The following PTPN3 variants were observed in gnomAD, a reference collection of about 807,000 sequenced individuals.
The protein encoded by PTPN3 is tyrosine-protein phosphatase non-receptor type 3.
Under a neutral mutation model 132.7 loss-of-function variants are expected in PTPN3, and 96 were observed. The ratio of observed to expected loss-of-function variants is 0.72; its 90% confidence interval spans 0.61 to 0.86. PTPN3 has a LOEUF of 0.86. Among genes scored for constraint, PTPN3 ranks in the 40% least tolerant of loss-of-function variants. PTPN3 has a pLI of 0.00. For synonymous variants in PTPN3, 398 were observed against 429.0 expected, an observed-to-expected ratio of 0.93 and a Z score of 0.89; for missense variants, 1,125 against 1,159.6, an observed-to-expected ratio of 0.97 and a Z score of 0.43.
chr9:109,436,473 A>G (rs1250406419), intron 9 of PTPN3, among the ~76,000 whole-genome samples: 1 of 152,200 alleles, frequency 6.6e-6, no homozygotes, highest in Non-Finnish European at 1.5e-5. Context: ...ATATCACCAT[A>G]ATCTTTTTAA....
chr9:109,471,264 C>A (rs1169918700), intron 1 of PTPN3, among the ~76,000 whole-genome samples: 1 of 152,162 alleles, frequency 6.6e-6, no homozygotes. Context: ...ACCATGTTGG[C>A]CTAGGCTGGT....
chr9:109,533,839 A>G, the PTPN3 span: 1 of 846,320 alleles, frequency 1.2e-6, no homozygotes, highest in South Asian at 1.5e-5. Flanking sequence ...CACTCTCGCT[A>G]TTCTGGTAGT....
At chr9:109,402,825 C>T (rs1336051512) in intron 19 of PTPN3, among the ~76,000 whole-genome samples, 2 of 152,130 alleles carry the variant, frequency 1.3e-5, no homozygotes, top group East Asian at 1.9e-4. Context: ...AATCCTAGCA[C>T]TTTGGGGGGC....
intron 14 of PTPN3, among the ~76,000 whole-genome samples, chr9:109,416,526 G>A (rs1842513488): frequency 6.6e-6 from 1 of 150,982 alleles, no homozygotes; most frequent in Admixed American, 6.6e-5. Context: ...GCTCACTGCA[G>A]CCTCGACCTC....
chr9:109,438,426 A>G (rs866514517), intron 7 of PTPN3, among the ~76,000 whole-genome samples, 192 bp from the exon 8 acceptor site: 11 of 152,224 alleles, frequency 7.2e-5, no homozygotes, highest in Non-Finnish European at 1.3e-4. Flanking sequence ...ACTATAGGCT[A>G]AGATACTATC....
the PTPN3 span, among the ~76,000 whole-genome samples, chr9:109,524,020 A>G: frequency 4.6e-5 from 7 of 152,084 alleles, no homozygotes; most frequent in African/African-American, 1.7e-4. Context: ...CTGAGGTGGG[A>G]GGATTGCTAG....
intron 13 of PTPN3, among the ~76,000 whole-genome samples, chr9:109,422,069 C>A (rs113937918): frequency 1.3e-5 from 2 of 152,134 alleles, no homozygotes; most frequent in Non-Finnish European, 2.9e-5. Flanking sequence ...ATTTCATTTG[C>A]GGTAGTTTTT....
At chr9:109,460,955 T>C (rs544492170) in intron 2 of PTPN3, among the ~76,000 whole-genome samples, 1 of 152,338 alleles carries the variant, frequency 6.6e-6, no homozygotes, top group South Asian at 2.1e-4. Flanking sequence ...CAAACATTCA[T>C]GTTTTCGTCA....
At chr9:109,423,533 G>A (rs1199373829) in intron 12 of PTPN3, among the ~76,000 whole-genome samples, 1 of 152,106 alleles carries the variant, frequency 6.6e-6, no homozygotes, top group Admixed American at 6.5e-5. Flanking sequence ...CTGAATCCCC[G>A]AGACAGAGGT....
Position 109,428,613 on chromosome 9 carries a change from C to T in PTPN3, c.828+8G>A. 1 of 1,612,708 alleles carries T rather than the reference C, an allele frequency of 6.2e-7. No individual in the cohort carries two copies. Among genetic ancestry groups the T allele is most frequent in the Non-Finnish European group, 8.5e-7 (1 of 1,178,798 alleles). On this transcript the variant is annotated splice_region_variant and intron_variant, in intron 11 of 25. Coordinates refer to ENST00000374541, the MANE Select transcript of PTPN3 (RefSeq NM_002829.4). ...CGAAACAAAGCAAGCAAAGACATAA[C>T]TACTCACCTGTTTCTGTCGCTGATG...
chr9:109,427,965 C>T (rs561544089), intron 11 of PTPN3, among the ~76,000 whole-genome samples: 3 of 152,334 alleles, frequency 2.0e-5, no homozygotes, highest in African/African-American at 7.2e-5. Flanking sequence ...TCAGTTTCCT[C>T]TCCTCTAAGT....
chr9:109,499,483 TTTAA>T (rs1389867872), upstream of PTPN3, among the ~76,000 whole-genome samples: 1 of 152,164 alleles, frequency 6.6e-6, no homozygotes, highest in Admixed American at 6.5e-5. Flanking sequence ...CTCCGATTTG[TTTAA>T]TTCTCATGTT....
intron 4 of PTPN3, among the ~76,000 whole-genome samples, chr9:109,455,298 C>T (rs186507653): frequency 1.3e-5 from 2 of 152,286 alleles, no homozygotes; most frequent in East Asian, 1.9e-4. Flanking sequence ...CTCACAGAGA[C>T]GGCAACAGGA....
intron 22 of PTPN3, among the ~76,000 whole-genome samples, chr9:109,385,163 C>G (rs1335740069): frequency 6.6e-6 from 1 of 152,218 alleles, no homozygotes; most frequent in Non-Finnish European, 1.5e-5. Context: ...CTGAGCAGTA[C>G]TAGACTCTCT....
At chr9:109,532,086 A>G in the PTPN3 span, among the ~76,000 whole-genome samples, 3 of 152,172 alleles carry the variant, frequency 2.0e-5, no homozygotes, top group Admixed American at 6.5e-5. Context: ...GAATTTTAGA[A>G]GGGATTTTGG....
At chr9:109,477,120 A>C (rs1399240648) in intron 1 of PTPN3, among the ~76,000 whole-genome samples, 1 of 152,200 alleles carries the variant, frequency 6.6e-6, no homozygotes, top group Non-Finnish European at 1.5e-5. Context: ...ACCCACTCTG[A>C]GTCCACTGAT....
intron 25 of PTPN3, among the ~76,000 whole-genome samples, chr9:109,380,214 AATCTATCTATCTATCTATCTATCT>A (rs55963327): frequency 6.9e-6 from 1 of 145,790 alleles, no homozygotes; most frequent in Admixed American, 6.9e-5. Flanking sequence ...CAGCTAGGAA[AATCTATCTATCTATCTATCTATCT>A]ATCTATCTAT....
chr9:109,522,788 C>G, the PTPN3 span, among the ~76,000 whole-genome samples: 19 of 152,268 alleles, frequency 1.2e-4, no homozygotes, highest in South Asian at 1.2e-3. Flanking sequence ...GTGGAAAATA[C>G]TAAATCAAAA....
chr9:109,534,187 G>T, the PTPN3 span: 4 of 1,030,278 alleles, frequency 3.9e-6, 1 homozygote, highest in Admixed American at 5.1e-5. Flanking sequence ...GTCCCCGCCG[G>T]CAGGTGCTGC....
Sources: gnomAD v4.1 joint callset for allele counts (sites outside exome capture counted in the v4.1 genomes callset) on GRCh38, gnomAD v4.1.1 for gene constraint, MANE v1.5 for transcripts, NCBI Gene and HGNC (gene_info 2026-07-23, HGNC 2026-07-21) for gene names.